Variants in SEMA4F observed in about 807,000 individuals in gnomAD.
The protein encoded by SEMA4F is ssemaphorin 4F, also known as semaphorin-4F.
A neutral mutation model predicts 78.4 loss-of-function variants in SEMA4F; 51 were observed. The ratio of observed to expected loss-of-function variants is 0.65; its 90% CI spans 0.52 to 0.82. SEMA4F has a LOEUF of 0.82. Ranked by LOEUF, SEMA4F falls within the 40% of genes least tolerant of loss-of-function variation. The pLI, the probability that SEMA4F is intolerant of heterozygous loss-of-function variation, is 0.00. For missense variants in SEMA4F, 938 were observed against 1,014.4 expected (o/e 0.92, Z 1.02); for synonymous variants, 418 against 408.7 (o/e 1.02, Z -0.27).
the SEMA4F span, among the ~76,000 whole-genome samples, chr2:74,693,672 T>C: frequency 6.6e-6 from 1 of 152,182 alleles, no homozygotes; most frequent in Non-Finnish European, 1.5e-5. Flanking sequence ...ATCGGGAAGG[T>C]GAAGTTGTTG....
the SEMA4F span, among the ~76,000 whole-genome samples, chr2:74,699,458 G>T: frequency 4.6e-5 from 7 of 152,210 alleles, no homozygotes; most frequent in Non-Finnish European, 1.0e-4. Context: ...TGCTGAGTTT[G>T]CAATGCCTCA....
Position 74,654,459 on chromosome 2 carries a change from T to C in SEMA4F, c.83T>C (p.Leu28Pro), listed in dbSNP as rs1343694406. 6.4e-7 allele frequency: 1 copy of C among 1,573,778 alleles called. No individual in the cohort carries two copies. Among genetic ancestry groups the C allele is most frequent in the Non-Finnish European group, 8.6e-7 (1 of 1,164,912 alleles). The stretch of plus-strand genomic sequence containing the variant: ...TTCCCGCTACTGCTGCTGGCGGTGC[T>C]GAGCGGCCCGGTATCCGGCCGCGTC... ...SPFPLLLLAV[L>P]SGPVSGRVPR... Residue 28 changes from leucine to proline, a missense_variant, in exon 1 of 14, where the codon CTG becomes CCG. Transcript: ENST00000357877.
In SEMA4F at chr2:74,660,372, A is replaced by T. The variant is rs559671761; in HGVS notation, c.457-2360A>T. Among the ~76,000 whole-genome samples the T allele has an allele frequency of 2.0e-5, 3 of 152,332 alleles. No individual in the cohort carries two copies. The South Asian group carries it at 6.2e-4, about 32-fold the overall frequency. ...TTTCTTGTGGCATTTGATGTGTTTC[A>T]TGTACTAGGAACCATCTTTCTTTTC... On this transcript the variant is annotated intron_variant, in intron 4 of 13. Transcript: ENST00000357877.
intron 12 of SEMA4F, among the ~76,000 whole-genome samples, chr2:74,676,970 C>T (rs1010888316): frequency 3.3e-5 from 5 of 152,118 alleles, no homozygotes; most frequent in Admixed American, 6.5e-5. Flanking sequence ...GACGCCATCT[C>T]GGCTCACTGC....
At chr2:74,666,799 C>T (rs1234013581) in intron 5 of SEMA4F, among the ~76,000 whole-genome samples, 2 of 151,692 alleles carry the variant, frequency 1.3e-5, no homozygotes, top group Non-Finnish European at 2.9e-5. Flanking sequence ...AAGATAATAG[C>T]AGTATTTTGA....
the SEMA4F span, among the ~76,000 whole-genome samples, chr2:74,697,734 C>G: frequency 1.3e-5 from 2 of 152,202 alleles, no homozygotes; most frequent in Non-Finnish European, 2.9e-5. Context: ...TTTAGTTCAA[C>G]TTTGATCCCT....
At position 74,674,494 on chromosome 2, in the gene SEMA4F, C is replaced by T. The variant is rs985960516; in HGVS notation, c.823-4C>T. 6 of 1,610,632 alleles carry T rather than the reference C, an allele frequency of 3.7e-6. No individual in the cohort carries two copies. Among genetic ancestry groups the T allele is most frequent in the Admixed American group, 1.7e-5 (1 of 59,622 alleles). On this transcript the variant is annotated splice_region_variant and splice_polypyrimidine_tract_variant and intron_variant, in intron 7 of 13. Coordinates refer to ENST00000357877, the MANE Select transcript of SEMA4F (RefSeq NM_004263.5). ...GAGAACCTCCCATGTGTTTGTCACC[C>T]CAGGGGGACCTCGGGGGCCGGAAGA...
Position 74,679,951 on chromosome 2 carries a change from G to T in SEMA4F, c.2055G>T (p.Gln685His), listed in dbSNP as rs1401535702. The change falls in exon 14 of 14, where the codon CAG becomes CAT. Residue 685 changes from glutamine to histidine, a missense_variant. Gln to His is a conservative substitution (Grantham distance 24, BLOSUM62 0). Coordinates refer to ENST00000357877, the MANE Select transcript of SEMA4F (RefSeq NM_004263.5). ...TCATTCTGATTGGTCGGCGTCAGCA[G>T]CGACGGCGACAGAGGGAACTTCTGG... is the stretch of plus-strand genomic sequence containing the variant. ...LTLILIGRRQ[Q>H]RRRQRELLAR... 6.2e-7 allele frequency: 1 copy of T among 1,614,208 alleles called. No homozygotes were observed.
At chr2:74,707,383 C>A in the SEMA4F span, among the ~76,000 whole-genome samples, 1 of 152,062 alleles carries the variant, frequency 6.6e-6, no homozygotes, top group Non-Finnish European at 1.5e-5. Context: ...ATCCATCTAT[C>A]CAACTATCTA....
At chr2:74,671,492 G>A (rs1254214252) in intron 5 of SEMA4F, among the ~76,000 whole-genome samples, 1 of 152,214 alleles carries the variant, frequency 6.6e-6, no homozygotes, top group African/African-American at 2.4e-5. Context: ...AGCCTGTCTT[G>A]CTTCTCTGGC....
chr2:74,692,452 C>T, the SEMA4F span, among the ~76,000 whole-genome samples: 1 of 152,176 alleles, frequency 6.6e-6, no homozygotes, highest in Non-Finnish European at 1.5e-5. Context: ...CTGCCTATGA[C>T]CTTCAGCCCC....
At chr2:74,665,515 C>A (rs1335353427) in intron 5 of SEMA4F, among the ~76,000 whole-genome samples, 2 of 151,986 alleles carry the variant, frequency 1.3e-5, no homozygotes, top group Non-Finnish European at 2.9e-5. Context: ...AGGCATGAGC[C>A]ACCGCACCCA....
In SEMA4F at chr2:74,674,581, T is replaced by A; in HGVS notation, c.906T>A (p.His302Gln). The change falls in exon 8 of 14, where the codon CAT becomes CAA. Residue 302 changes from histidine to glutamine, a missense_variant. Transcript: ENST00000357877. ...KADLLCPGPEHGRASSVLQDV... is the reference protein window; with the variant it reads ...KADLLCPGPEQGRASSVLQDV... ...ACCTGCTCTGTCCAGGGCCTGAGCA[T>A]GGCCGGGCCTCCAGTGTCCTGCAGG... is the stretch of plus-strand genomic sequence containing the variant. 1 of 1,614,138 alleles carries A rather than the reference T, an allele frequency of 6.2e-7. No individual in the cohort carries two copies. The highest frequency in any genetic ancestry group is 1.1e-5 in the South Asian group (1 of 91,062).
At chr2:74,670,849 A>T (rs1316211847) in intron 5 of SEMA4F, among the ~76,000 whole-genome samples, 3 of 152,100 alleles carry the variant, frequency 2.0e-5, no homozygotes, top group African/African-American at 7.2e-5. Context: ...CTTTCCTGAA[A>T]TTTTCAAGAA....
rs552712467 is a variant in SEMA4F, at chr2:74,673,663, A to G, written c.671-14A>G. On this transcript the variant is annotated splice_polypyrimidine_tract_variant and intron_variant, in intron 6 of 13. Transcript: ENST00000357877. ...GTTGTGTCTGTGAGGATCTGAGGCC[A>G]CTGGTATTCCCAGCCCCAGCCTTTG... The G allele has an allele frequency of 1.9e-6, 3 of 1,613,304 alleles. No individual in the cohort carries two copies. Among genetic ancestry groups the G allele is most frequent in the Admixed American group, 3.3e-5 (2 of 60,000 alleles).
chr2:74,668,060 C>G (rs1349500289), intron 5 of SEMA4F, among the ~76,000 whole-genome samples: 1 of 152,196 alleles, frequency 6.6e-6, no homozygotes, highest in Non-Finnish European at 1.5e-5. Flanking sequence ...TCAGTCTTCC[C>G]TCCTCCGAGT....
At chr2:74,696,185 CTTTT>C in the SEMA4F span, among the ~76,000 whole-genome samples, 743 of 108,986 alleles carry the variant, frequency 6.8e-3, 6 homozygotes, top group African/African-American at 0.026. Context: ...TCTCCTGCCT[CTTTT>C]TTTTTTTTTT....
At position 74,675,541 on chromosome 2, in the gene SEMA4F, C is replaced by T; in HGVS notation, c.1389C>T (p.His463=). 6.2e-7 allele frequency: 1 copy of T among 1,614,136 alleles called. No homozygotes were observed. Among genetic ancestry groups the T allele is most frequent in the South Asian group, 1.1e-5 (1 of 91,086 alleles). The change falls in exon 11 of 14, where the codon CAC becomes CAT. Residue 463 remains histidine, a synonymous_variant. Transcript: ENST00000357877. The stretch of plus-strand genomic sequence containing the variant: ...GTCCCCTAGAGGATGGACACCTCCA[C>T]CGAGCAGTGCGGATCGGAGCTCAGC... ...LYLGTEDGHL[H]RAVRIGAQLS...
At chr2:74,704,687 C>A in the SEMA4F span, among the ~76,000 whole-genome samples, 6 of 151,990 alleles carry the variant, frequency 3.9e-5, no homozygotes, top group African/African-American at 1.5e-4. Flanking sequence ...ACTTGCCTAC[C>A]AATGCGGGCT....
Sources: allele counts gnomAD v4.1 joint callset (sites outside exome capture counted in the v4.1 genomes callset), GRCh38; gene constraint gnomAD v4.1.1; transcripts MANE v1.5; gene names NCBI Gene and HGNC (gene_info 2026-07-23, HGNC 2026-07-21).